Variants in SPEN observed in about 807,000 individuals in gnomAD.
The protein encoded by SPEN is msx2-interacting protein.
Under a neutral mutation model 269.9 loss-of-function variants are expected in SPEN, and 18 were observed. That is an observed-to-expected ratio of 0.07 (90% confidence interval 0.05 to 0.10). SPEN has a LOEUF of 0.10. SPEN is among the 10% of genes least tolerant of loss of function. SPEN has a pLI of 1.00. For missense variants in SPEN, 3,822 were observed against 4,631.2 expected (o/e 0.83, Z 5.07); for synonymous variants, 1,726 against 1,765.7 (o/e 0.98, Z 0.56).
intron 3 of SPEN, among the ~76,000 whole-genome samples, chr1:15,888,438 C>T (rs1446786293): frequency 6.6e-6 from 1 of 151,914 alleles, no homozygotes; most frequent in Non-Finnish European, 1.5e-5. Flanking sequence ...GTTCTCCTGC[C>T]TTAGCCTCCC....
intron 1 of SPEN, among the ~76,000 whole-genome samples, chr1:15,872,222 C>CAA (rs58028111): frequency 0.011 from 652 of 61,852 alleles, 15 homozygotes; most frequent in Non-Finnish European, 0.017. Flanking sequence ...GACTCTGTCT[C>CAA]AAAAAAAAAA....
chr1:15,874,071 T>G (rs777874045), intron 2 of SPEN: 1 of 1,320,042 alleles, frequency 7.6e-7, no homozygotes, highest in South Asian at 1.2e-5. Context: ...GGATATTTCC[T>G]CTTCTGCCAG....
At chr1:15,870,372 A>G (rs745682207) in intron 1 of SPEN, among the ~76,000 whole-genome samples, 4 of 152,220 alleles carry the variant, frequency 2.6e-5, no homozygotes, top group Non-Finnish European at 5.9e-5. Flanking sequence ...ACAATTCTAT[A>G]ATAACTTTTT....
At position 15,933,254 on chromosome 1, in the gene SPEN, A is replaced by G; in HGVS notation, c.7014A>G (p.Ser2338=). The change falls in exon 11 of 15, where the codon TCA becomes TCG. Residue 2338 remains serine, a synonymous_variant. Coordinates refer to ENST00000375759, the MANE Select transcript of SPEN (RefSeq NM_015001.3). This position sits in a 1 kb window ranked among gnomAD's most constrained non-coding sequence, Gnocchi z 5.7. ...AAGGGCGCCAGAAAACAACCCGATC[A>G]CGCCGCAAGCGAAACACAAACAAGA... is the stretch of plus-strand genomic sequence containing the variant. ...KDKGRQKTTR[S]RRKRNTNKKV... The G allele has an allele frequency of 1.9e-6, 3 of 1,614,124 alleles. No homozygotes were observed. The highest frequency in any genetic ancestry group is 1.1e-5 in the South Asian group (1 of 91,086).
rs768180417 is a variant in SPEN at position 15,928,954 on chromosome 1, A to G, written c.2714A>G (p.Asn905Ser). 50 of 1,614,150 alleles carry G rather than the reference A, an allele frequency of 3.1e-5. No homozygotes were observed. The highest frequency in any genetic ancestry group is 1.6e-4 in the Middle Eastern group (1 of 6,084). Residue 905 changes from asparagine to serine, a missense_variant, in exon 11 of 15, where the codon AAT becomes AGT. Asn to Ser is a conservative substitution (Grantham distance 46). Coordinates refer to ENST00000375759, the MANE Select transcript of SPEN (RefSeq NM_015001.3). This position sits in a 1 kb window ranked among gnomAD's most constrained non-coding sequence, Gnocchi z 5.7. ...GAAAAGTTGAAAGCCAAGCTTGATA[A>G]TGACACTGTCAAATCTTCTGCCCTG... ...PVEKLKAKLDNDTVKSSALDQ... is the reference protein window; with the variant it reads ...PVEKLKAKLDSDTVKSSALDQ...
At chr1:15,896,355 T>G (rs1457352605) in intron 3 of SPEN, among the ~76,000 whole-genome samples, 4 of 151,872 alleles carry the variant, frequency 2.6e-5, no homozygotes, top group African/African-American at 4.8e-5. Flanking sequence ...GCCACCACTC[T>G]TGGCAAATTT....
At chr1:15,936,378 T>A in intron 11 of SPEN, 112 bp downstream of exon 11, 1 of 1,397,292 alleles carries the variant, frequency 7.2e-7, no homozygotes, top group Non-Finnish European at 9.3e-7. Flanking sequence ...TGGTGGCTTA[T>A]GCCTGTAATC....
At chr1:15,924,951 C>T (rs2071152600) in intron 10 of SPEN, among the ~76,000 whole-genome samples, 1 of 152,148 alleles carries the variant, frequency 6.6e-6, no homozygotes, top group African/African-American at 2.4e-5. Context: ...GCATTCCTTG[C>T]AGTAGACCTT....
intron 3 of SPEN, among the ~76,000 whole-genome samples, chr1:15,899,127 A>G (rs1190779348): frequency 1.3e-5 from 2 of 152,146 alleles, no homozygotes; most frequent in Non-Finnish European, 2.9e-5. Flanking sequence ...CCCGTCAGTA[A>G]TGCACAAGGG....
At chr1:15,916,300 A>G in intron 6 of SPEN, 21 bp downstream of exon 6, 1 of 1,605,626 alleles carries the variant, frequency 6.2e-7, no homozygotes. Flanking sequence ...TTTACTATGT[A>G]AACAATTTTA....
Position 15,937,589 on chromosome 1 carries a change from G to C in SPEN, c.10453G>C (p.Asp3485His). The change falls in exon 12 of 15, where the codon GAT (aspartate) becomes CAT (histidine). Residue 3485 changes from aspartate to histidine, a missense_variant. Transcript: ENST00000375759. The surrounding 1 kb of genome is among the most constrained non-coding windows in gnomAD (Gnocchi z 5.7). ...TGAATTCCAGCCAGCCCCCAAACAA[G>C]ATTCCTCTCCACACCTGACTTCCCA... ...HTEFQPAPKQ[D>H]SSPHLTSQRP... is the part of the protein sequence containing the mutation. 1 of 1,614,168 alleles carries C rather than the reference G, an allele frequency of 6.2e-7. No individual in the cohort carries two copies. The highest frequency in any genetic ancestry group is 1.1e-5 in the South Asian group (1 of 91,084).
intron 3 of SPEN, among the ~76,000 whole-genome samples, chr1:15,886,843 C>T (rs2070740846): frequency 6.6e-6 from 1 of 152,198 alleles, no homozygotes. Context: ...TCCCTCTCAC[C>T]CCTTCTCATT....
At chr1:15,874,318 A>G (rs770153501) in intron 2 of SPEN, 27 of 1,366,372 alleles carry the variant, frequency 2.0e-5, no homozygotes, top group Admixed American at 1.1e-4. Context: ...AGAGGGGCCA[A>G]AATTGGGGAA....
intron 1 of SPEN, among the ~76,000 whole-genome samples, chr1:15,869,869 T>C (rs570208593): frequency 2.0e-5 from 3 of 152,012 alleles, no homozygotes; most frequent in South Asian, 2.1e-4. Flanking sequence ...TCTATAGTTA[T>C]TGATTTTTTT....
In SPEN at chr1:15,937,836, C is replaced by T; in HGVS notation, c.10534C>T (p.Leu3512=). The T allele has an allele frequency of 6.2e-7, 1 of 1,613,536 alleles. No individual in the cohort carries two copies. Among genetic ancestry groups the T allele is most frequent in the Non-Finnish European group, 8.5e-7 (1 of 1,179,924 alleles). ...GAAGTACCCCATCGTGTGGCAGGGC[C>T]TGCTGGCCCTCAAGAATGACACAGC... The part of the protein sequence containing the change: ...LKKYPIVWQG[L]LALKNDTAAV... The change falls in exon 13 of 15, where the codon CTG becomes TTG. Residue 3512 remains leucine (L), a synonymous_variant. Transcript: ENST00000375759. The surrounding 1 kb of genome is among the most constrained non-coding windows in gnomAD (Gnocchi z 5.7).
chr1:15,891,420 C>T (rs931814821), intron 3 of SPEN, among the ~76,000 whole-genome samples: 1 of 150,820 alleles, frequency 6.6e-6, no homozygotes, highest in Non-Finnish European at 1.5e-5. Context: ...GGCACCATCT[C>T]GGCTCAGTGC....
rs2071244870 is a variant in SPEN at position 15,933,662 on chromosome 1, T to G, written c.7422T>G (p.Ser2474=). 3.1e-6 allele frequency: 5 copies of G among 1,614,102 alleles called. No homozygotes were observed. The East Asian group carries it at 1.1e-4, about 36-fold the overall frequency. The change falls in exon 11 of 15, where the codon TCT becomes TCG. Residue 2474 remains serine, a synonymous_variant. Coordinates refer to ENST00000375759, the MANE Select transcript of SPEN (RefSeq NM_015001.3). This position sits in a 1 kb window ranked among gnomAD's most constrained non-coding sequence, Gnocchi z 5.7. ...DPSIPIPTLP[S]VTAAKLSPPV... is the part of the protein sequence containing the mutation. ...GCATCCCCATACCCACACTGCCTTCTGTAACTGCAGCAAAGCTCTCACCTC... is the reference window on the plus strand; with the variant it reads ...GCATCCCCATACCCACACTGCCTTCGGTAACTGCAGCAAAGCTCTCACCTC...
At position 15,848,498 on chromosome 1, in the gene SPEN, G is replaced by A. The variant is rs2070299406; in HGVS notation, c.83+348G>A. Among the ~76,000 whole-genome samples the A allele has an allele frequency of 6.6e-6, 1 of 151,922 alleles. No homozygotes were observed. Among genetic ancestry groups the A allele is most frequent in the Non-Finnish European group, 1.5e-5 (1 of 67,964 alleles). On this transcript the variant is annotated intron_variant, in intron 1 of 14. Coordinates refer to ENST00000375759, the MANE Select transcript of SPEN (RefSeq NM_015001.3). The surrounding 1 kb of genome is among the most constrained non-coding windows in gnomAD (Gnocchi z 5.1). ...GGGAGATGCGCTGGGCGGCGGGGTC[G>A]CGTCCTTGCGCGCAGTGCCCGGCCC...
chr1:15,857,495 T>C (rs2070398959), intron 1 of SPEN, among the ~76,000 whole-genome samples: 1 of 151,992 alleles, frequency 6.6e-6, no homozygotes. Context: ...TAGCTGGGAT[T>C]ACAGGCGTGT....
Sources: allele counts gnomAD v4.1 joint callset (sites outside exome capture counted in the v4.1 genomes callset), GRCh38; gene constraint gnomAD v4.1.1; non-coding constraint Gnocchi (gnomAD v3.1); transcripts MANE v1.5; gene names NCBI Gene and HGNC (gene_info 2026-07-23, HGNC 2026-07-21).